The following ASB8 variants were observed in gnomAD, a reference collection of about 807,000 sequenced individuals.
ASB8 encodes ankyrin repeat and SOCS box containing 8.
Under a neutral mutation model 22.9 loss-of-function variants are expected in ASB8, and 15 were observed. That is an observed-to-expected ratio of 0.66 (90% confidence interval 0.44 to 1.01). ASB8 has a LOEUF of 1.01. Ranked by LOEUF, ASB8 falls within the 50% of genes least tolerant of loss-of-function variation. The pLI, the probability that ASB8 is intolerant of heterozygous loss-of-function variation, is 0.00. For missense variants in ASB8, 294 were observed against 356.9 expected, an observed-to-expected ratio of 0.82 and a Z score of 1.42; for synonymous variants, 124 against 140.8, an observed-to-expected ratio of 0.88 and a Z score of 0.84.
chr12:48,153,710 C>A, intron 1 of ASB8, 181 bp from the exon 2 acceptor site: 1 of 444,326 alleles, frequency 2.3e-6, no homozygotes, highest in Non-Finnish European at 4.0e-6. Flanking sequence ...AACCTGGACA[C>A]AAATGTTCTA....
rs1253869529 is a variant in ASB8 at position 48,149,658 on chromosome 12, A to G, written c.575T>C (p.Val192Ala). 1 of 1,614,160 alleles carries G rather than the reference A, an allele frequency of 6.2e-7. No homozygotes were observed. Among genetic ancestry groups the G allele is most frequent in the East Asian group, 2.2e-5 (1 of 44,882 alleles). ...TCCAAGTCCCCTGACTAGCAGAGCC[A>G]CCAGGCGGGAGATGGGTGTCTGGCC... ...LIGQTPISRL[V>A]ALLVRGLGTE... The change falls in exon 4 of 4, where the codon GTG becomes GCG. Residue 192 changes from valine to alanine, a missense_variant. Val to Ala is a moderately conservative substitution (Grantham distance 64). Transcript: ENST00000317697.
Position 48,149,339 on chromosome 12 carries a change from G to A in ASB8, c.*27C>T. The A allele has an allele frequency of 6.2e-7, 1 of 1,600,098 alleles. No individual in the cohort carries two copies. The highest frequency in any genetic ancestry group is 2.2e-5 in the East Asian group (1 of 44,748). On this transcript the variant is annotated 3_prime_UTR_variant, in exon 4 of 4. Coordinates refer to ENST00000317697, the MANE Select transcript of ASB8 (RefSeq NM_024095.5). The stretch of plus-strand genomic sequence containing the variant: ...GGGACAACCTCACCCAGAGCTGCCT[G>A]CACGATGGTGCAAACATCTTCTCCG...
intron 1 of ASB8, among the ~76,000 whole-genome samples, chr12:48,156,854 A>G (rs150269658): frequency 6.6e-6 from 1 of 152,116 alleles, no homozygotes; most frequent in Non-Finnish European, 1.5e-5. Context: ...CGATCTCACT[A>G]GACAGCAGCC....
At chr12:48,154,542 A>G (rs1186670494) in intron 1 of ASB8, among the ~76,000 whole-genome samples, 1 of 152,008 alleles carries the variant, frequency 6.6e-6, no homozygotes, top group African/African-American at 2.4e-5. Flanking sequence ...TAAGGAAAGC[A>G]AAAGTATAAC....
chr12:48,155,742 A>ATATATACATATAT (rs1555211489), intron 1 of ASB8, among the ~76,000 whole-genome samples: 3 of 114,954 alleles, frequency 2.6e-5, no homozygotes, highest in African/African-American at 1.0e-4. Context: ...AAAAAAAAAA[A>ATATATACATATAT]ATATATATAT....
chr12:48,150,519 C>T (rs539992834), intron 3 of ASB8, among the ~76,000 whole-genome samples: 1 of 152,200 alleles, frequency 6.6e-6, no homozygotes, highest in East Asian at 1.9e-4. Flanking sequence ...ATAAGTCAGA[C>T]CTTTGCAAAA....
At chr12:48,152,795 G>C (rs905729548) in intron 2 of ASB8, 1 of 152,008 alleles carries the variant, frequency 6.6e-6, no homozygotes, top group African/African-American at 2.4e-5. Flanking sequence ...GAGAATTCAA[G>C]ACCAGCCTGG....
At chr12:48,153,658 CATA>C in intron 1 of ASB8, 129 bp from the exon 2 acceptor site, 1 of 670,008 alleles carries the variant, frequency 1.5e-6, no homozygotes, top group Non-Finnish European at 2.4e-6. Context: ...TTTCCATAAT[CATA>C]AGGAATTGGA....
rs1491299112 is a variant in ASB8, at chr12:48,148,682, T to TTTTTTTAA, written c.*683_*684insTTAAAAAA. On this transcript the variant is annotated 3_prime_UTR_variant, in exon 4 of 4. Coordinates refer to ENST00000317697, the MANE Select transcript of ASB8 (RefSeq NM_024095.5). ...GGTTTTTTTTTTTTTTTTTTTTTTT[T>TTTTTTTAA]GAGACAGTTTTGCTCTTGTTGTCCA... 7.7e-6 allele frequency: 1 copy of TTTTTTTAA among 129,106 alleles called. No individual in the cohort carries two copies. Among genetic ancestry groups the TTTTTTTAA allele is most frequent in the African/African-American group, 2.7e-5 (1 of 36,754 alleles). 8.0% of individuals were successfully genotyped at this position (129,106 alleles called of 1,614,324 possible).
chr12:48,151,405 C>A, intron 2 of ASB8, 100 bp from the exon 3 acceptor site: 1 of 1,064,754 alleles, frequency 9.4e-7, no homozygotes, highest in Non-Finnish European at 1.4e-6. Context: ...TTCTAACTCT[C>A]ACTATTTTAT....
Position 48,149,195 on chromosome 12 carries a change from G to A in ASB8, c.*171C>T. ...AGTGAGGGATTTTTTTTGTTGGGTT[G>A]TTTGGTTTGGGAAGGGGAGGTGCTA... On this transcript the variant is annotated 3_prime_UTR_variant, in exon 4 of 4. Coordinates refer to ENST00000317697, the MANE Select transcript of ASB8 (RefSeq NM_024095.5). 2 of 688,756 alleles carry A rather than the reference G, an allele frequency of 2.9e-6. No individual in the cohort carries two copies. Among genetic ancestry groups the A allele is most frequent in the South Asian group, 4.3e-5 (2 of 46,244 alleles). The allele number at this position is 688,756 out of a possible 1,614,324, so 42.7% of individuals were successfully genotyped here. A position where few individuals can be genotyped will look rare whatever the true frequency, so the allele number is the denominator to read the frequency against.
At chr12:48,152,253 C>G (rs896183974) in intron 2 of ASB8, among the ~76,000 whole-genome samples, 1 of 152,098 alleles carries the variant, frequency 6.6e-6, no homozygotes, top group Non-Finnish European at 1.5e-5. Flanking sequence ...AGGTTTCTAC[C>G]GCGGAGTCTC....
intron 1 of ASB8, chr12:48,153,874 T>G (rs1180019470): frequency 5.7e-6 from 1 of 175,914 alleles, no homozygotes. Flanking sequence ...TTTGTGGTTT[T>G]TATGATCAGC....
intron 1 of ASB8, among the ~76,000 whole-genome samples, chr12:48,156,541 T>G (rs1951308058): frequency 6.6e-6 from 1 of 152,182 alleles, no homozygotes; most frequent in Non-Finnish European, 1.5e-5. Context: ...GAGGAACTCT[T>G]GAACCTGGAA....
rs750975630 is a variant in ASB8 at position 48,149,711 on chromosome 12, G to A, written c.522C>T (p.Gly174=). 4.7e-5 allele frequency: 76 copies of A among 1,613,924 alleles called. No individual in the cohort carries two copies. The highest frequency in any genetic ancestry group is 8.0e-5 in the African/African-American group (6 of 74,896). ...TTAGGTTGATGACTCTGACCTCTGC[G>A]CCATAATCCAGAAGGATGCTGACAC... The part of the protein sequence containing the change: ...LESVSILLDY[G]AEVRVINLIG... Residue 174 remains glycine, a synonymous_variant, in exon 4 of 4, where the codon GGC becomes GGT. Coordinates refer to ENST00000317697, the MANE Select transcript of ASB8 (RefSeq NM_024095.5).
At position 48,151,294 on chromosome 12, in the gene ASB8, C is replaced by G; in HGVS notation, c.141G>C (p.Val47=). Residue 47 remains valine, a synonymous_variant, in exon 3 of 4, where the codon GTG becomes GTC. Coordinates refer to ENST00000317697, the MANE Select transcript of ASB8 (RefSeq NM_024095.5). ...VEDLIRGGAD[V]NCTHGTLKPL... is the part of the protein sequence containing the mutation. ...GCTTCAGTGTGCCATGAGTGCAGTT[C>G]ACATCTGCTCCCTGTGGGCAGAAGA... The G allele has an allele frequency of 6.2e-7, 1 of 1,612,614 alleles. No homozygotes were observed. Among genetic ancestry groups the G allele is most frequent in the Non-Finnish European group, 8.5e-7 (1 of 1,179,106 alleles).
At chr12:48,152,207 A>G (rs757769925) in intron 2 of ASB8, among the ~76,000 whole-genome samples, 48 of 152,108 alleles carry the variant, frequency 3.2e-4, no homozygotes, top group South Asian at 1.2e-3. Context: ...AAGTCACTGA[A>G]TGACTCAGCA....
rs1203553743 is a variant in ASB8 at position 48,151,257 on chromosome 12, C to T, written c.178G>A (p.Ala60Thr). Residue 60 changes from alanine (A) to threonine (T), a missense_variant, in exon 3 of 4, where the codon GCC (alanine) becomes ACC (threonine). By Grantham distance (58) the Ala-to-Thr change is moderately conservative. Transcript: ENST00000317697. Reference sequence around the variant, plus strand: ...CAGTCAGCATCTGACACCATACAGGCACAGTGCAAGGGCTTCAGTGTGCCA... The same window carrying T: ...CAGTCAGCATCTGACACCATACAGGTACAGTGCAAGGGCTTCAGTGTGCCA... ...THGTLKPLHC[A>T]CMVSDADCVE... The T allele has an allele frequency of 1.9e-6, 3 of 1,614,010 alleles. No homozygotes were observed. The highest frequency in any genetic ancestry group is 1.7e-6 in the Non-Finnish European group (2 of 1,179,864).
rs747952969 is a variant in ASB8, at chr12:48,149,772, G to A, written c.461C>T (p.Pro154Leu). Residue 154 changes from proline to leucine, a missense_variant, in exon 4 of 4, where the codon CCG (proline) becomes CTG (leucine). Physicochemically the swap from Pro to Leu is moderately conservative, Grantham distance 98. Coordinates refer to ENST00000317697, the MANE Select transcript of ASB8 (RefSeq NM_024095.5). Reference protein sequence around the residue: ...VNALDYNNDTPLSWAAMKGNL... With the variant: ...VNALDYNNDTLLSWAAMKGNL... ...TCCCTTCATGGCAGCCCAGCTGAGC[G>A]GTGTATCATTGTTGTAATCCAGGGC... 27 of 1,614,036 alleles carry A rather than the reference G, an allele frequency of 1.7e-5. No individual in the cohort carries two copies. The highest frequency in any genetic ancestry group is 3.3e-5 in the South Asian group (3 of 91,092).
Sources: allele counts gnomAD v4.1 joint callset (sites outside exome capture counted in the v4.1 genomes callset), GRCh38; gene constraint gnomAD v4.1.1; transcripts MANE v1.5; gene names NCBI Gene and HGNC (gene_info 2026-07-23, HGNC 2026-07-21).